Variants in ARMC1 observed in about 807,000 individuals in gnomAD.
ARMC1 encodes armadillo repeat-containing protein 1.
In ARMC1, 16 loss-of-function variants were observed where a neutral mutation model predicts 31.4. The observed-to-expected ratio is 0.51, with a 90% CI of 0.34 to 0.77. ARMC1 has a LOEUF of 0.77. Among genes scored for constraint, ARMC1 ranks in the 30% least tolerant of loss-of-function variants. The pLI, the probability that ARMC1 is intolerant of heterozygous loss-of-function variation, is 0.01. For synonymous variants in ARMC1, 114 were observed against 118.9 expected (o/e 0.96, Z 0.27); for missense variants, 259 against 347.5 (o/e 0.75, Z 2.02).
chr8:65,616,589 C>T (rs1256723225), intron 3 of ARMC1, among the ~76,000 whole-genome samples: 5 of 151,852 alleles, frequency 3.3e-5, no homozygotes, highest in Admixed American at 1.3e-4. Context: ...TCTGCCTGGC[C>T]GCCCATCGTC....
chr8:65,624,831 C>T (rs1465834513), intron 2 of ARMC1, among the ~76,000 whole-genome samples: 1 of 152,074 alleles, frequency 6.6e-6, no homozygotes, highest in African/African-American at 2.4e-5. Flanking sequence ...AAAAACAACA[C>T]ACCCAATGGC....
rs1259489332 is a variant in ARMC1 at position 65,604,640 on chromosome 8, A to C, written c.658-55T>G. 6.0e-6 allele frequency: 9 copies of C among 1,508,322 alleles called. No homozygotes were observed. The East Asian group carries it at 1.8e-4, about 31-fold the overall frequency. The allele number at this position is 1,508,322 out of a possible 1,614,324, so 93.4% of individuals were successfully genotyped here. On this transcript the variant is annotated intron_variant, in intron 6 of 6. Transcript: ENST00000276569. ...AAAATCAACTTTACTCCTTATTCTA[A>C]TTACCGTGGTTATTCTCAGGGTAAA...
chr8:65,608,296 G>A (rs887693052), intron 4 of ARMC1, among the ~76,000 whole-genome samples: 2 of 152,206 alleles, frequency 1.3e-5, no homozygotes, highest in Admixed American at 6.5e-5. Context: ...TGAGGCCGAG[G>A]CAGGTGGATC....
At chr8:65,610,117 T>TGA (rs1808100039) in intron 4 of ARMC1, among the ~76,000 whole-genome samples, 1 of 151,948 alleles carries the variant, frequency 6.6e-6, no homozygotes, top group Non-Finnish European at 1.5e-5. Context: ...TTTGTGTGTG[T>TGA]GACGGGATCT....
intron 3 of ARMC1, among the ~76,000 whole-genome samples, chr8:65,614,934 G>C (rs1467093080): frequency 2.6e-5 from 4 of 152,044 alleles, no homozygotes; most frequent in Non-Finnish European, 5.9e-5. Context: ...TTATACTACT[G>C]ATCTTAATTT....
chr8:65,610,639 G>A (rs936505261), intron 4 of ARMC1, among the ~76,000 whole-genome samples: 1 of 151,776 alleles, frequency 6.6e-6, no homozygotes, highest in African/African-American at 2.4e-5. Context: ...AGGTTGCAGC[G>A]AGCCGAGATT....
chr8:65,624,498 C>CAAA (rs538324950), intron 2 of ARMC1, among the ~76,000 whole-genome samples: 11 of 95,416 alleles, frequency 1.2e-4, no homozygotes, highest in East Asian at 3.3e-4. Flanking sequence ...GACTCCATCT[C>CAAA]AAAAAAAAAA....
chr8:65,610,776 C>T (rs535596992), intron 4 of ARMC1, among the ~76,000 whole-genome samples: 2 of 152,230 alleles, frequency 1.3e-5, no homozygotes, highest in Non-Finnish European at 2.9e-5. Context: ...TTATTTATGG[C>T]ATGACTTTTA....
rs1320474531 is a variant in ARMC1, at chr8:65,622,300, G to A, written c.238C>T (p.Leu80=). 1 of 1,614,082 alleles carries A rather than the reference G, an allele frequency of 6.2e-7. No individual in the cohort carries two copies. The highest frequency in any genetic ancestry group is 1.7e-5 in the Admixed American group (1 of 60,020). Reference sequence around the variant, plus strand: ...TTTTGTAAGCTCAACATCATACCCAGTTCTCCTTTCATCTTTTCTCTGTTT... The same window carrying A: ...TTTTGTAAGCTCAACATCATACCCAATTCTCCTTTCATCTTTTCTCTGTTT... The part of the protein sequence containing the change: ...RANREKMKGE[L]GMMLSLQNVI... The change falls in exon 3 of 7, where the codon CTG becomes TTG. Residue 80 remains leucine, a synonymous_variant. Coordinates refer to ENST00000276569, the MANE Select transcript of ARMC1 (RefSeq NM_018120.6).
At chr8:65,621,877 C>A (rs190763625) in intron 3 of ARMC1, among the ~76,000 whole-genome samples, 4 of 152,238 alleles carry the variant, frequency 2.6e-5, no homozygotes, top group Admixed American at 2.6e-4. Context: ...CACAGTTTTA[C>A]CATTTTCCTA....
intron 3 of ARMC1, among the ~76,000 whole-genome samples, chr8:65,618,345 A>G (rs186279070): frequency 3.9e-4 from 59 of 150,368 alleles, no homozygotes; most frequent in Admixed American, 3.4e-3. Flanking sequence ...ACACGGTGAA[A>G]CCCCATCTCT....
chr8:65,619,065 G>T (rs900739392), intron 3 of ARMC1, among the ~76,000 whole-genome samples: 2 of 151,930 alleles, frequency 1.3e-5, no homozygotes, highest in Non-Finnish European at 2.9e-5. Context: ...CAAACAAACA[G>T]AAAAAGGCAA....
chr8:65,619,977 CAAAA>C (rs530126937), intron 3 of ARMC1, among the ~76,000 whole-genome samples: 1 of 94,452 alleles, frequency 1.1e-5, no homozygotes, highest in Non-Finnish European at 2.1e-5. Context: ...GGATGAGACT[CAAAA>C]AAAAAAAAAA....
intron 3 of ARMC1, among the ~76,000 whole-genome samples, chr8:65,619,156 C>T (rs912134258): frequency 6.6e-6 from 1 of 152,020 alleles, no homozygotes; most frequent in Admixed American, 6.6e-5. Flanking sequence ...CTTAGTAATT[C>T]GCCAGTAAAA....
At chr8:65,609,899 T>C (rs934193524) in intron 4 of ARMC1, among the ~76,000 whole-genome samples, 4 of 50,068 alleles carry the variant, frequency 8.0e-5, no homozygotes, top group Non-Finnish European at 2.1e-4. Context: ...AAAAAAGCTG[T>C]GAATAATCTA....
At chr8:65,608,888 G>A (rs529608740) in intron 4 of ARMC1, among the ~76,000 whole-genome samples, 19 of 152,158 alleles carry the variant, frequency 1.2e-4, no homozygotes, top group Admixed American at 8.5e-4. Flanking sequence ...TCCAGCCTGG[G>A]CGACAGAGTG....
intron 3 of ARMC1, among the ~76,000 whole-genome samples, chr8:65,619,046 A>G (rs549146504): frequency 1.4e-4 from 22 of 152,280 alleles, no homozygotes; most frequent in African/African-American, 4.6e-4. Context: ...CCATCTCACA[A>G]AAAACAAACA....
At position 65,605,525 on chromosome 8, in the gene ARMC1, A is replaced by ACTT; in HGVS notation, c.478_479insAAG (p.Leu160delinsGlnVal). ...AATTTTTAACAAAGCCTCTTCACAT[A>ACTT]GATTTCTCCGAGACTGAAAAAGTAA... On this transcript the variant is annotated protein_altering_variant, in exon 5 of 7. Transcript: ENST00000276569. 6.2e-7 allele frequency: 1 copy of ACTT among 1,611,098 alleles called. No individual in the cohort carries two copies. The highest frequency in any genetic ancestry group is 8.5e-7 in the Non-Finnish European group (1 of 1,177,256).
chr8:65,606,122 G>A (rs1042517948), intron 4 of ARMC1, among the ~76,000 whole-genome samples: 7 of 152,110 alleles, frequency 4.6e-5, no homozygotes, highest in East Asian at 1.9e-4. Flanking sequence ...CAGCACTTTG[G>A]GAGGCTGAGG....
Sources: allele counts gnomAD v4.1 joint callset (sites outside exome capture counted in the v4.1 genomes callset), GRCh38; gene constraint gnomAD v4.1.1; transcripts MANE v1.5; gene names NCBI Gene and HGNC (gene_info 2026-07-23, HGNC 2026-07-21).